Variants in VPS53 observed in about 807,000 individuals in gnomAD.
VPS53 encodes the protein VPS53 subunit of GARP complex, also known as vacuolar protein sorting-associated protein 53 homolog.
In VPS53, 70 loss-of-function variants were observed where a neutral mutation model predicts 107.0. That is an observed-to-expected ratio of 0.65 (90% confidence interval 0.54 to 0.80). The LOEUF (loss-of-function observed/expected upper bound fraction) is 0.80. Among genes scored for constraint, VPS53 ranks in the 30% least tolerant of loss-of-function variants. VPS53 has a pLI of 0.00. For synonymous variants in VPS53, 409 were observed against 393.3 expected (o/e 1.04, Z -0.47); for missense variants, 917 against 1,049.4 (o/e 0.87, Z 1.74).
Position 710,071 on chromosome 17 carries a change from G to A in VPS53, c.168+462C>T, listed in dbSNP as rs180749111. On this transcript the variant is annotated intron_variant, in intron 2 of 21. Coordinates refer to ENST00000437048, the MANE Select transcript of VPS53 (RefSeq NM_001128159.3). ...GAGGCAGAAGAATCGCCTGAACCCA[G>A]GAGGCAGACGTTGCAGTGAGCCGAG... is the stretch of plus-strand genomic sequence containing the variant. Among the ~76,000 whole-genome samples the A allele has an allele frequency of 7.1e-4, 108 of 152,236 alleles. 1 individual carries two copies. In the East Asian group the frequency reaches 0.012, roughly 16 times the overall value.
intron 17 of VPS53, 134 bp downstream of exon 17, chr17:551,738 T>C: frequency 1.5e-6 from 1 of 683,998 alleles, no homozygotes; most frequent in South Asian, 2.7e-5. Flanking sequence ...TTTCAGGAAC[T>C]CCGGGGCCTC....
intron 17 of VPS53, among the ~76,000 whole-genome samples, chr17:547,171 C>G (rs976106116): frequency 2.0e-5 from 3 of 152,198 alleles, no homozygotes; most frequent in African/African-American, 7.2e-5. Context: ...GCCACCACGC[C>G]TGGCCTTTAG....
chr17:645,131 T>C (rs1417971021), intron 7 of VPS53, among the ~76,000 whole-genome samples: 7 of 152,204 alleles, frequency 4.6e-5, no homozygotes, highest in Non-Finnish European at 1.0e-4. Flanking sequence ...TAAACAAATG[T>C]TGAAAAGCAA....
intron 15 of VPS53, among the ~76,000 whole-genome samples, chr17:555,522 C>T (rs572119716): frequency 4.0e-5 from 6 of 151,842 alleles, no homozygotes; most frequent in East Asian, 1.9e-4. Context: ...TTAGTAGAGA[C>T]GGGGGTTTTA....
chr17:679,385 C>T (rs138209133), intron 4 of VPS53, among the ~76,000 whole-genome samples: 65 of 151,886 alleles, frequency 4.3e-4, no homozygotes, highest in Middle Eastern at 6.8e-3. Context: ...GTGGTGGCGG[C>T]CACCTGTAGT....
At chr17:658,898 C>T (rs1847738) in intron 5 of VPS53, among the ~76,000 whole-genome samples, 150,736 of 152,274 alleles carry the variant, frequency 0.99, 74,632 homozygotes, top group East Asian at 1. Flanking sequence ...ATACAGGTTA[C>T]GACCTGCACA....
At chr17:598,694 C>T (rs1303549293) in intron 12 of VPS53, among the ~76,000 whole-genome samples, 1 of 123,088 alleles carries the variant, frequency 8.1e-6, no homozygotes, top group African/African-American at 2.7e-5. Flanking sequence ...CCGGCCGCCC[C>T]GTCTGAGAAG....
At chr17:568,082 A>G (rs1260490763) in intron 13 of VPS53, among the ~76,000 whole-genome samples, 3 of 152,130 alleles carry the variant, frequency 2.0e-5, no homozygotes, top group Non-Finnish European at 4.4e-5. Context: ...ATGGATGGCC[A>G]AGGCCATTTC....
chr17:572,228 G>T, intron 13 of VPS53, among the ~76,000 whole-genome samples: 1 of 150,568 alleles, frequency 6.6e-6, no homozygotes, highest in East Asian at 2.0e-4. Flanking sequence ...GCCTCTGCCC[G>T]GCCGCGACCC....
At chr17:589,641 G>A (rs1967530422) in intron 12 of VPS53, among the ~76,000 whole-genome samples, 1 of 152,182 alleles carries the variant, frequency 6.6e-6, no homozygotes. Flanking sequence ...GATAACGTCA[G>A]AAAACTTGGA....
Position 588,892 on chromosome 17 carries a change from G to A in VPS53, c.1219-2528C>T, listed in dbSNP as rs73973161. ...TTGTGAGGGGTGTCCTCACCCACTT[G>A]TCCTGTTTATTCCAAGTCAGTATCT... On this transcript the variant is annotated intron_variant, in intron 12 of 21. Transcript: ENST00000437048. Among the ~76,000 whole-genome samples, 402 of 152,230 alleles carry A rather than the reference G, an allele frequency of 2.6e-3. 3 individuals are homozygous for A. The highest frequency in any genetic ancestry group is 9.4e-3 in the African/African-American group (389 of 41,536).
At chr17:610,643 TG>T (rs1968818723) in intron 11 of VPS53, among the ~76,000 whole-genome samples, 1 of 151,582 alleles carries the variant, frequency 6.6e-6, no homozygotes, top group Non-Finnish European at 1.5e-5. Flanking sequence ...AGCCTGGGCA[TG>T]GTGGCTCACG....
chr17:627,683 G>A (rs919692375), intron 9 of VPS53, among the ~76,000 whole-genome samples: 1 of 152,132 alleles, frequency 6.6e-6, no homozygotes, highest in Non-Finnish European at 1.5e-5. Context: ...GGGGGAGGCA[G>A]GAGAATTGCT....
chr17:690,815 T>G (rs761315372), intron 4 of VPS53, among the ~76,000 whole-genome samples: 6 of 152,134 alleles, frequency 3.9e-5, no homozygotes, highest in Non-Finnish European at 7.4e-5. Flanking sequence ...GGAAGAACAG[T>G]GTCTAAAATC....
Position 520,179 on chromosome 17 carries a change from T to G in VPS53, c.2224-249A>C, listed in dbSNP as rs1371191935. ...ATCTTCACATGCCACTACAGCAATG[T>G]CCTAAATTTGCTGAATCCTAAATAC... On this transcript the variant is annotated intron_variant, in intron 20 of 21. Transcript: ENST00000437048. This position sits in a 1 kb window ranked among gnomAD's most constrained non-coding sequence, Gnocchi z 4.4. 6.6e-6 allele frequency among the ~76,000 whole-genome samples: 1 copy of G among 152,140 alleles called. No homozygotes were observed. Among genetic ancestry groups the G allele is most frequent in the Non-Finnish European group, 1.5e-5 (1 of 68,026 alleles).
At chr17:692,293 T>C (rs557107030) in intron 4 of VPS53, among the ~76,000 whole-genome samples, 1 of 152,312 alleles carries the variant, frequency 6.6e-6, no homozygotes, top group South Asian at 2.1e-4. Flanking sequence ...CATGTACTTG[T>C]TGAATTGACT....
Position 627,232 on chromosome 17 carries a change from A to G in VPS53, c.916T>C (p.Phe306Leu). ...VDYEEKYGRM[F>L]PREWCMAERI... is the part of the protein sequence containing the mutation. ...TCAGCCATGCACCACTCACGTGGAA[A>G]CATGCGGCCGTATTTCTCCTCATAG... The change falls in exon 10 of 22, where the codon TTT (phenylalanine) becomes CTT (leucine). Residue 306 changes from phenylalanine (F) to leucine (L), a missense_variant. Physicochemically the swap from Phe to Leu is conservative, Grantham distance 22 (BLOSUM62 0). Transcript: ENST00000437048. The G allele has an allele frequency of 6.2e-7, 1 of 1,614,120 alleles. No homozygotes were observed. Among genetic ancestry groups the G allele is most frequent in the Non-Finnish European group, 8.5e-7 (1 of 1,180,016 alleles).
intron 11 of VPS53, among the ~76,000 whole-genome samples, chr17:606,438 G>A (rs1489276323): frequency 6.6e-6 from 1 of 152,244 alleles, no homozygotes; most frequent in East Asian, 1.9e-4. Context: ...AGGATGGGAT[G>A]AGGCATGCGT....
At chr17:581,258 A>T (rs547483453) in intron 13 of VPS53, among the ~76,000 whole-genome samples, 20 of 150,426 alleles carry the variant, frequency 1.3e-4, no homozygotes, top group African/African-American at 4.9e-4. Flanking sequence ...CAGGATCTCA[A>T]TTCGTTTCCA....
Sources: gnomAD v4.1 joint callset for allele counts (sites outside exome capture counted in the v4.1 genomes callset) on GRCh38, gnomAD v4.1.1 for gene constraint, Gnocchi (gnomAD v3.1) non-coding constraint, MANE v1.5 for transcripts, NCBI Gene and HGNC (gene_info 2026-07-23, HGNC 2026-07-21) for gene names.